The following IQSEC1 variants were observed in gnomAD, a reference collection of about 807,000 sequenced individuals.
The protein encoded by IQSEC1 is IQ motif and Sec7 domain ArfGEF 1.
In IQSEC1, 31 loss-of-function variants were observed where a neutral mutation model predicts 91.0. That is an observed-to-expected ratio of 0.34 (90% CI 0.26 to 0.46). IQSEC1 has a LOEUF of 0.46. IQSEC1 is among the 20% of genes least tolerant of loss of function. The pLI is 1.00. For synonymous variants in IQSEC1, 699 were observed against 662.6 expected (o/e 1.05, Z -0.84); for missense variants, 1,388 against 1,575.6 (o/e 0.88, Z 2.02).
At chr3:13,124,022 T>C (rs7611755) in intron 2 of IQSEC1, among the ~76,000 whole-genome samples, 74,712 of 152,154 alleles carry the variant, frequency 0.49, 20,402 homozygotes, top group African/African-American at 0.74. Context: ...GGCCAAGGGA[T>C]GCTGCCAACT....
intron 1 of IQSEC1, among the ~76,000 whole-genome samples, chr3:13,192,730 C>T (rs1694058356): frequency 6.6e-6 from 1 of 152,242 alleles, no homozygotes; most frequent in South Asian, 2.1e-4. Flanking sequence ...TATGGAGGCC[C>T]CCGACACAGT....
intron 1 of IQSEC1, among the ~76,000 whole-genome samples, chr3:13,169,047 T>C (rs1201629417): frequency 6.6e-6 from 1 of 152,208 alleles, no homozygotes; most frequent in Non-Finnish European, 1.5e-5. Flanking sequence ...TAAAACAACA[T>C]GTATCTCTCA....
In IQSEC1 at chr3:12,915,610, A is replaced by G. The variant is rs1449978702; in HGVS notation, c.2144T>C (p.Ile715Thr). 5.6e-6 allele frequency: 9 copies of G among 1,614,000 alleles called. No homozygotes were observed. Among genetic ancestry groups the G allele is most frequent in the Admixed American group, 1.7e-5 (1 of 60,028 alleles). Residue 715 changes from isoleucine to threonine, a missense_variant, in exon 7 of 14, where the codon ATT becomes ACT. Ile to Thr is a moderately conservative substitution (Grantham distance 89). Coordinates refer to ENST00000613206, the MANE Select transcript of IQSEC1 (RefSeq NM_001134382.3). Reference protein sequence around the residue: ...VSQVQKVEKLIVGKKPIGSLH... With the variant: ...VSQVQKVEKLTVGKKPIGSLH... ...ATCACATACCGGCTTTTTCCCCACA[A>G]TGAGCTTCTCCACCTTCTGCACCTG...
In IQSEC1 at chr3:12,941,747, A is replaced by T. The variant is rs1467350927; in HGVS notation, c.142T>A (p.Ser48Thr). 6.2e-7 allele frequency: 1 copy of T among 1,612,220 alleles called. No homozygotes were observed. The highest frequency in any genetic ancestry group is 1.7e-5 in the Admixed American group (1 of 60,000). Residue 48 changes from serine to threonine, a missense_variant, in exon 2 of 14, where the codon TCA (serine) becomes ACA (threonine). By Grantham distance (58) the Ser-to-Thr change is moderately conservative (BLOSUM62 1). Transcript: ENST00000613206. ...GAGTACAGCCCATAGGCTCCCACTG[A>T]CGTGTGCTCGTAGTGATCCGGGCTC... is the stretch of plus-strand genomic sequence containing the variant. ...SLSPDHYEHT[S>T]VGAYGLYSGP...
rs182324747 is a variant in IQSEC1, at chr3:13,132,797, G to C, written c.302+31307C>G. ...GAAGCCTGATTTTGAATACTGAACG[G>C]ATTTTGTTTCACCAGGAAACTTTAG... is the stretch of plus-strand genomic sequence containing the variant. On this transcript the variant is annotated intron_variant, in intron 2 of 15. Transcript: ENST00000648114. Among the ~76,000 whole-genome samples the C allele has an allele frequency of 5.3e-5, 8 of 152,266 alleles. No homozygotes were observed. The East Asian group carries it at 1.5e-3, about 29-fold the overall frequency.
At chr3:13,118,840 C>T (rs938841208) in intron 2 of IQSEC1, among the ~76,000 whole-genome samples, 5 of 152,068 alleles carry the variant, frequency 3.3e-5, no homozygotes, top group South Asian at 2.1e-4. Context: ...CTTCGGGAGG[C>T]CAAGGTGGTG....
chr3:13,087,149 C>T (rs1236009704), intron 2 of IQSEC1, among the ~76,000 whole-genome samples: 7 of 152,324 alleles, frequency 4.6e-5, no homozygotes, highest in East Asian at 3.9e-4. Flanking sequence ...ATTCTTCCTA[C>T]AGTCTAAATC....
At chr3:13,234,776 G>A (rs908241808) in intron 1 of IQSEC1, among the ~76,000 whole-genome samples, 3 of 152,168 alleles carry the variant, frequency 2.0e-5, no homozygotes, top group African/African-American at 7.2e-5. Context: ...AAATATTAGT[G>A]TTCCTTAATT....
chr3:12,921,095 C>T (rs1257227263), intron 5 of IQSEC1, among the ~76,000 whole-genome samples: 2 of 152,146 alleles, frequency 1.3e-5, no homozygotes, highest in African/African-American at 4.8e-5. Flanking sequence ...TGTGGACCGA[C>T]TGCTGCAAGA....
At chr3:13,215,593 C>A (rs1012438350) in intron 1 of IQSEC1, among the ~76,000 whole-genome samples, 9 of 152,194 alleles carry the variant, frequency 5.9e-5, no homozygotes, top group Non-Finnish European at 7.3e-5. Context: ...CCGAGGGAGG[C>A]AAAGTTGCAC....
intron 1 of IQSEC1, among the ~76,000 whole-genome samples, chr3:13,248,463 C>A (rs1278348838): frequency 6.6e-6 from 1 of 152,146 alleles, no homozygotes; most frequent in Admixed American, 6.5e-5. Flanking sequence ...AAAACCTACT[C>A]CCAGTCTCCC....
At position 12,899,441 on chromosome 3, in the gene IQSEC1, A is replaced by C. The variant is rs778647247; in HGVS notation, c.*1542T>G. ...GTGGCTCGAAAGGCTGAAACTACAA[A>C]GTATGGCCCGTGGGTGACTCGGGCA... On this transcript the variant is annotated 3_prime_UTR_variant, in exon 14 of 14. Transcript: ENST00000613206. 6.2e-6 allele frequency: 10 copies of C among 1,609,196 alleles called. No individual in the cohort carries two copies. The highest frequency in any genetic ancestry group is 4.2e-6 in the Non-Finnish European group (5 of 1,178,494).
chr3:13,084,907 G>C (rs1013323735), intron 2 of IQSEC1, among the ~76,000 whole-genome samples: 5 of 148,898 alleles, frequency 3.4e-5, no homozygotes, highest in African/African-American at 9.8e-5. Context: ...TGATTAGAGG[G>C]AGTGTATGGG....
At chr3:13,050,939 A>G (rs1283416272) in intron 1 of IQSEC1, among the ~76,000 whole-genome samples, 1 of 152,242 alleles carries the variant, frequency 6.6e-6, no homozygotes, top group Non-Finnish European at 1.5e-5. Context: ...ACTCTATATT[A>G]ATAGATATTT....
chr3:13,089,979 G>A (rs1039646515), intron 2 of IQSEC1, among the ~76,000 whole-genome samples: 2 of 152,224 alleles, frequency 1.3e-5, no homozygotes, highest in African/African-American at 4.8e-5. Context: ...ACTTTGGGAG[G>A]CCAAGGCGGG....
At chr3:12,954,576 C>A (rs1699778826) in intron 1 of IQSEC1, among the ~76,000 whole-genome samples, 1 of 152,244 alleles carries the variant, frequency 6.6e-6, no homozygotes, top group African/African-American at 2.4e-5. Context: ...CTGTCTATCA[C>A]ACCAAGTTAG....
chr3:13,167,686 C>A (rs762523051), intron 1 of IQSEC1, among the ~76,000 whole-genome samples: 1 of 152,166 alleles, frequency 6.6e-6, no homozygotes, highest in Non-Finnish European at 1.5e-5. Flanking sequence ...GATAACCAAG[C>A]CTTTCTCCAG....
At chr3:13,059,314 CCT>C (rs58330322) in intron 1 of IQSEC1, among the ~76,000 whole-genome samples, 22,354 of 152,136 alleles carry the variant, frequency 0.15, 2,047 homozygotes, top group East Asian at 0.24. Flanking sequence ...CCTGTTCTCC[CCT>C]GTTCCCTCCC....
Position 12,900,551 on chromosome 3 carries a change from C to CA in IQSEC1, c.*431dup. On this transcript the variant is annotated 3_prime_UTR_variant, in exon 14 of 14. Coordinates refer to ENST00000613206, the MANE Select transcript of IQSEC1 (RefSeq NM_001134382.3). ...GTCTACTTATTTTTTTGCCCATTGTCAATAAAAGAGCAATAATGCAGCAAG... is the reference window on the plus strand; with the variant it reads ...GTCTACTTATTTTTTTGCCCATTGTCAAATAAAAGAGCAATAATGCAGCAAG... 1 of 990,798 alleles carries CA rather than the reference C, an allele frequency of 1.0e-6. No homozygotes were observed. The highest frequency in any genetic ancestry group is 1.2e-6 in the Non-Finnish European group (1 of 832,898). The allele number at this position is 990,798 out of a possible 1,614,324, so 61.4% of individuals were successfully genotyped here.
Sources: allele counts gnomAD v4.1 joint callset (sites outside exome capture counted in the v4.1 genomes callset), GRCh38; gene constraint gnomAD v4.1.1; transcripts MANE v1.5; gene names NCBI Gene and HGNC (gene_info 2026-07-23, HGNC 2026-07-21).